Variants in CUX1 observed in about 807,000 individuals in gnomAD.
CUX1 encodes the protein protein CASP.
CUX1 carries 31 observed loss-of-function variants against 158.8 expected under a neutral mutation model. That is an observed-to-expected ratio of 0.20 (90% CI 0.15 to 0.26). CUX1 has a LOEUF of 0.26. Among genes scored for constraint, CUX1 ranks in the 10% least tolerant of loss-of-function variants. CUX1 has a pLI of 1.00. For missense variants in CUX1, 1,589 were observed against 2,014.6 expected, an observed-to-expected ratio of 0.79 and a Z score of 4.04; for synonymous variants, 879 against 862.1, an observed-to-expected ratio of 1.02 and a Z score of -0.34.
chr7:102,179,846 C>T (rs1168578713), intron 11 of CUX1, among the ~76,000 whole-genome samples: 3 of 152,232 alleles, frequency 2.0e-5, no homozygotes, highest in Non-Finnish European at 4.4e-5. Flanking sequence ...CGTTCAGGCC[C>T]ATTCCTTCCC....
intron 2 of CUX1, among the ~76,000 whole-genome samples, chr7:101,969,359 CAAAAAAAAAAA>C (rs10711703): frequency 5.3e-5 from 3 of 56,118 alleles, no homozygotes; most frequent in African/African-American, 2.2e-4. Flanking sequence ...CAAAAAACAG[CAAAAAAAAAAA>C]AAAAAAAAAA....
At chr7:101,913,304 C>T in intron 1 of CUX1, 2 of 1,187,356 alleles carry the variant, frequency 1.7e-6, no homozygotes, top group Non-Finnish European at 2.2e-6. Context: ...AATTTGGAGA[C>T]CCCCGTGGGT....
At chr7:101,926,199 C>G (rs189589736) in intron 2 of CUX1, among the ~76,000 whole-genome samples, 1 of 152,214 alleles carries the variant, frequency 6.6e-6, no homozygotes, top group East Asian at 1.9e-4. Context: ...TCTAGAATCA[C>G]CTACTGTTAA....
intron 2 of CUX1, among the ~76,000 whole-genome samples, chr7:101,918,703 G>A (rs980395378): frequency 2.0e-5 from 3 of 152,220 alleles, no homozygotes; most frequent in Non-Finnish European, 2.9e-5. Flanking sequence ...GGGCGCCCAC[G>A]CGGAAAGTCC....
intron 2 of CUX1, among the ~76,000 whole-genome samples, chr7:102,003,380 T>C (rs950282327): frequency 6.6e-6 from 1 of 151,962 alleles, no homozygotes; most frequent in African/African-American, 2.4e-5. Flanking sequence ...GTGTTCGTTG[T>C]TTTCTTGTAA....
chr7:101,959,213 T>A (rs1474547598), intron 2 of CUX1, among the ~76,000 whole-genome samples: 1 of 149,916 alleles, frequency 6.7e-6, no homozygotes, highest in East Asian at 2.0e-4. Context: ...CAGAATGTTT[T>A]CCTTACCTAG....
intron 5 of CUX1, among the ~76,000 whole-genome samples, chr7:102,101,631 C>T (rs1488300266): frequency 1.3e-5 from 2 of 152,124 alleles, no homozygotes; most frequent in East Asian, 3.8e-4. Flanking sequence ...AAAATGAGGC[C>T]AGGCATGGTG....
intron 2 of CUX1, among the ~76,000 whole-genome samples, chr7:102,005,284 G>A (rs973395442): frequency 6.6e-5 from 10 of 152,326 alleles, no homozygotes; most frequent in Non-Finnish European, 1.5e-4. Flanking sequence ...CCCTGAGGCA[G>A]GCACATTACC....
chr7:101,860,020 CTCTT>C (rs1797271732), intron 1 of CUX1, among the ~76,000 whole-genome samples: 1 of 138,762 alleles, frequency 7.2e-6, no homozygotes, highest in South Asian at 2.7e-4. Context: ...TCCTTCCTCT[CTCTT>C]TCTGTCTCTC....
chr7:101,955,216 G>A (rs756549897), intron 2 of CUX1, among the ~76,000 whole-genome samples: 4 of 151,638 alleles, frequency 2.6e-5, no homozygotes, highest in Non-Finnish European at 4.4e-5. Context: ...TTTGTGTTCC[G>A]CTCTGCGCCT....
chr7:101,996,542 G>A (rs1815920613), intron 2 of CUX1, among the ~76,000 whole-genome samples: 1 of 152,036 alleles, frequency 6.6e-6, no homozygotes, highest in African/African-American at 2.4e-5. Flanking sequence ...TGAGGCAGAG[G>A]CAGGCGCACA....
intron 9 of CUX1, among the ~76,000 whole-genome samples, chr7:102,168,908 C>CTTTTTTTTTTTT (rs1563341626): frequency 5.7e-5 from 7 of 121,978 alleles, no homozygotes; most frequent in African/African-American, 1.4e-4. Flanking sequence ...CTTTTCTTTT[C>CTTTTTTTTTTTT]TTTTATTTTC....
At chr7:102,165,123 C>G (rs1037152041) in intron 9 of CUX1, among the ~76,000 whole-genome samples, 3 of 152,114 alleles carry the variant, frequency 2.0e-5, no homozygotes, top group Non-Finnish European at 4.4e-5. Flanking sequence ...GGTCTGGGGC[C>G]ATGTCGCACA....
At chr7:101,865,755 A>G (rs1355948276) in intron 1 of CUX1, among the ~76,000 whole-genome samples, 8 of 152,372 alleles carry the variant, frequency 5.3e-5, no homozygotes, top group East Asian at 3.9e-4. Flanking sequence ...GCACTCATTC[A>G]TTAAGCTAAC....
Position 101,927,147 on chromosome 7 carries a change from AACACAC to A in CUX1, c.141+10947_141+10952del, listed in dbSNP as rs10584842. Among the ~76,000 whole-genome samples, 376 of 149,336 alleles carry A rather than the reference AACACAC, an allele frequency of 2.5e-3. 1 individual carries two copies. Among genetic ancestry groups the A allele is most frequent in the African/African-American group, 6.4e-3 (260 of 40,646 alleles). On this transcript the variant is annotated intron_variant, in intron 2 of 23. Transcript: ENST00000292535. Reference sequence around the variant, plus strand: ...GACTTTTTGTATCACCTGTCAACACAACACACACACACACACACACACACACACACG... The same window carrying A: ...GACTTTTTGTATCACCTGTCAACACAACACACACACACACACACACACACG...
At chr7:101,978,836 T>C (rs1813052032) in intron 2 of CUX1, among the ~76,000 whole-genome samples, 1 of 152,214 alleles carries the variant, frequency 6.6e-6, no homozygotes, top group African/African-American at 2.4e-5. Context: ...GTCATTTCCA[T>C]CTCTGTCTAC....
Position 101,825,786 on chromosome 7 carries a change from TGTGTGTGTGTGTGCGC to T in CUX1, c.30+8119_30+8134del, listed in dbSNP as rs746126202. 7.7e-4 allele frequency among the ~76,000 whole-genome samples: 80 copies of T among 103,692 alleles called. No individual in the cohort carries two copies. The East Asian group carries it at 7.8e-3, about 10-fold the overall frequency. 68.0% of individuals were successfully genotyped at this position (103,692 alleles called of 152,430 possible). A position where few individuals can be genotyped will look rare whatever the true frequency, so the allele number is the denominator to read the frequency against. Reference sequence around the variant, plus strand: ...GTGTGTGTGTGTGTGTGTGTGTGTGTGTGTGTGTGTGTGCGCGCGCGCGCGCAGTTAGTCTTCGGGG... The same window carrying T: ...GTGTGTGTGTGTGTGTGTGTGTGTGTGCGCGCGCGCAGTTAGTCTTCGGGG... On this transcript the variant is annotated intron_variant, in intron 1 of 23. Transcript: ENST00000292535.
In CUX1 at chr7:102,248,160, G is replaced by A. The variant is rs1176928787; in HGVS notation, c.3888-252G>A. Among the ~76,000 whole-genome samples the A allele has an allele frequency of 1.3e-5, 2 of 152,162 alleles. No homozygotes were observed. Among genetic ancestry groups the A allele is most frequent in the Admixed American group, 1.3e-4 (2 of 15,282 alleles). On this transcript the variant is annotated intron_variant, in intron 23 of 23. Transcript: ENST00000292535. This position sits in a 1 kb window ranked among gnomAD's most constrained non-coding sequence, Gnocchi z 5.8. ...AATAAAAATTAAAATAAGTGCCCGC[G>A]GCAATTTGTTGCAGTGGAGAATAGG... is the stretch of plus-strand genomic sequence containing the variant.
chr7:101,938,651 A>G (rs1286635501), intron 2 of CUX1, among the ~76,000 whole-genome samples: 1 of 152,110 alleles, frequency 6.6e-6, no homozygotes, highest in Non-Finnish European at 1.5e-5. Flanking sequence ...CACACCTGTA[A>G]TCCCAGCACT....
Sources: allele counts gnomAD v4.1 joint callset (sites outside exome capture counted in the v4.1 genomes callset), GRCh38; gene constraint gnomAD v4.1.1; non-coding constraint Gnocchi (gnomAD v3.1); transcripts MANE v1.5; gene names NCBI Gene and HGNC (gene_info 2026-07-23, HGNC 2026-07-21).